KBTBD11: variants seen among roughly 807,000 people sequenced by gnomAD.
KBTBD11 encodes kelch repeat and BTB domain containing 11, also known as kelch repeat and BTB domain-containing protein 11.
For synonymous variants in KBTBD11, 747 were observed against 499.0 expected, an observed-to-expected ratio of 1.50 and a Z score of -6.63; for missense variants, 1,390 against 1,001.8, an observed-to-expected ratio of 1.39 and a Z score of -5.23.
At chr8:1,974,926 C>T (rs1361222023) in intron 1 of KBTBD11, 3 of 159,634 alleles carry the variant, frequency 1.9e-5, no homozygotes, top group Non-Finnish European at 4.0e-5. Flanking sequence ...CCAGCCATCC[C>T]CTCAGGCCCT....
At chr8:1,987,682 A>G (rs2129311657) in intron 1 of KBTBD11, among the ~76,000 whole-genome samples, 1 of 152,184 alleles carries the variant, frequency 6.6e-6, no homozygotes, top group East Asian at 1.9e-4. Flanking sequence ...CGCACCTGTC[A>G]CCACAGTAGA....
chr8:1,999,592 C>A (rs751386144), intron 1 of KBTBD11, among the ~76,000 whole-genome samples: 1 of 152,248 alleles, frequency 6.6e-6, no homozygotes, highest in Non-Finnish European at 1.5e-5. Flanking sequence ...CTTCCACATA[C>A]TTCATTCAGT....
intron 1 of KBTBD11, among the ~76,000 whole-genome samples, chr8:1,979,560 C>T (rs1388820486): frequency 3.3e-5 from 5 of 152,280 alleles, no homozygotes; most frequent in East Asian, 1.9e-4. Flanking sequence ...ACCCAGGGGG[C>T]GGAGGTTGCA....
At chr8:1,987,725 TTTA>T (rs10628962) in intron 1 of KBTBD11, among the ~76,000 whole-genome samples, 28 of 149,226 alleles carry the variant, frequency 1.9e-4, no homozygotes, top group South Asian at 4.3e-4. Context: ...TTTTGGAGCC[TTTA>T]TTATTATTAT....
At chr8:1,976,705 C>G (rs74550305) in intron 1 of KBTBD11, among the ~76,000 whole-genome samples, 2 of 152,072 alleles carry the variant, frequency 1.3e-5, no homozygotes, top group Admixed American at 6.6e-5. Context: ...TACGTTAATT[C>G]TTAGGTAATA....
chr8:1,979,292 C>A lies in KBTBD11; in HGVS notation c.-909+5357C>A, dbSNP rs144797671. Among the ~76,000 whole-genome samples, 516 of 152,290 alleles carry A rather than the reference C, an allele frequency of 3.4e-3. 5 individuals carry two copies. The highest frequency in any genetic ancestry group is 0.012 in the African/African-American group (487 of 41,560). On this transcript the variant is annotated intron_variant, in intron 1 of 1. Transcript: ENST00000320248. The stretch of plus-strand genomic sequence containing the variant: ...CACCCATATTGTGAATAGAAACATG[C>A]TTTACTCAAAATCTTCCCATGTAAA...
Position 2,002,420 on chromosome 8 carries a change from C to T in KBTBD11, c.1228C>T (p.Leu410=). The T allele has an allele frequency of 6.7e-7, 1 of 1,493,128 alleles. No individual in the cohort carries two copies. Among genetic ancestry groups the T allele is most frequent in the Non-Finnish European group, 8.9e-7 (1 of 1,128,408 alleles). The allele number at this position is 1,493,128 out of a possible 1,614,324, so 92.5% of individuals were successfully genotyped here. ...GCGCTCGCAGCTGCGGCTGCTGGCC[C>T]TGGACGGTCACCTCTACGCCGTGGG... ...QARSQLRLLA[L]DGHLYAVGGE... Residue 410 remains leucine (L), a synonymous_variant, in exon 2 of 2, where the codon CTG becomes TTG. Transcript: ENST00000320248. The surrounding 1 kb of genome is among the most constrained non-coding windows in gnomAD (Gnocchi z 4.1).
chr8:1,989,021 A>C (rs1033882161), intron 1 of KBTBD11, among the ~76,000 whole-genome samples: 2 of 152,156 alleles, frequency 1.3e-5, no homozygotes, highest in Admixed American at 1.3e-4. Flanking sequence ...AAACAGATTT[A>C]TTTTAAAAGA....
rs1817332577 is a variant in KBTBD11, at chr8:2,001,217, G to A, written c.25G>A (p.Val9Ile). MEHAVAPC[V>I]LYPGTEPGAA... ...CATGGAGCACGCGGTGGCCCCCTGC[G>A]TCCTCTACCCAGGGACTGAGCCCGG... Residue 9 changes from valine to isoleucine, a missense_variant, in exon 2 of 2, where the codon GTC (valine) becomes ATC (isoleucine). Val to Ile is a conservative substitution (Grantham distance 29). Coordinates refer to ENST00000320248, the MANE Select transcript of KBTBD11 (RefSeq NM_014867.3). 2 of 1,416,552 alleles carry A rather than the reference G, an allele frequency of 1.4e-6. No homozygotes were observed. Among genetic ancestry groups the A allele is most frequent in the Non-Finnish European group, 1.8e-6 (2 of 1,083,420 alleles). The allele number at this position is 1,416,552 out of a possible 1,614,324, so 87.7% of individuals were successfully genotyped here.
At chr8:1,996,236 G>A (rs1817132386) in intron 1 of KBTBD11, among the ~76,000 whole-genome samples, 2 of 152,198 alleles carry the variant, frequency 1.3e-5, no homozygotes, top group African/African-American at 4.8e-5. Flanking sequence ...ACAGGGTGTG[G>A]TGGGATATAG....
At chr8:1,994,624 G>A (rs931907345) in intron 1 of KBTBD11, among the ~76,000 whole-genome samples, 6 of 152,228 alleles carry the variant, frequency 3.9e-5, no homozygotes, top group African/African-American at 1.2e-4. Flanking sequence ...TCCTGCGGGT[G>A]CCACGTGTTA....
intron 1 of KBTBD11, among the ~76,000 whole-genome samples, chr8:1,981,716 G>A (rs1816546744): frequency 6.6e-6 from 1 of 152,200 alleles, no homozygotes; most frequent in African/African-American, 2.4e-5. Flanking sequence ...CCCCTGTCCT[G>A]GAGCTGGGAC....
chr8:2,001,440 C>G lies in KBTBD11; in HGVS notation c.248C>G (p.Ala83Gly), dbSNP rs1817349188. The change falls in exon 2 of 2, where the codon GCG becomes GGG. Residue 83 changes from alanine to glycine, a missense_variant. Transcript: ENST00000320248. ...VVERQWEAGS[A>G]GAASPEELAS... ...GAGCGGCAGTGGGAGGCCGGCAGCG[C>G]GGGCGCCGCGTCCCCGGAGGAGCTC... is the stretch of plus-strand genomic sequence containing the variant. 7.4e-7 allele frequency: 1 copy of G among 1,352,690 alleles called. No homozygotes were observed. The highest frequency in any genetic ancestry group is 1.8e-5 in the South Asian group (1 of 54,474). The allele number at this position is 1,352,690 out of a possible 1,614,324, so 83.8% of individuals were successfully genotyped here. A position where few individuals can be genotyped will look rare whatever the true frequency, so the allele number is the denominator to read the frequency against.
At chr8:1,977,526 A>G (rs1816389384) in intron 1 of KBTBD11, among the ~76,000 whole-genome samples, 1 of 151,834 alleles carries the variant, frequency 6.6e-6, no homozygotes, top group Admixed American at 6.6e-5. Context: ...GATTTTTATT[A>G]TTATTATTAT....
chr8:1,985,660 C>T (rs1816686947), intron 1 of KBTBD11, among the ~76,000 whole-genome samples: 2 of 152,236 alleles, frequency 1.3e-5, no homozygotes, highest in Admixed American at 1.3e-4. Context: ...GAGAAAAACA[C>T]GAAATAAAAA....
At chr8:1,986,936 G>A (rs1816722666) in intron 1 of KBTBD11, among the ~76,000 whole-genome samples, 1 of 149,088 alleles carries the variant, frequency 6.7e-6, no homozygotes, top group Non-Finnish European at 1.5e-5. Flanking sequence ...TCTTCAGGAG[G>A]CTGATGCAGG....
chr8:1,974,776 C>T, intron 1 of KBTBD11: 5 of 861,002 alleles, frequency 5.8e-6, no homozygotes, highest in Non-Finnish European at 7.0e-6. Context: ...GTCCCTCCAC[C>T]TCTTTAGAGT....
intron 1 of KBTBD11, among the ~76,000 whole-genome samples, chr8:1,978,894 C>T (rs995714495): frequency 1.3e-5 from 2 of 152,186 alleles, no homozygotes; most frequent in African/African-American, 4.8e-5. Flanking sequence ...TGTGAAAGTG[C>T]CTCCCTGGGT....
chr8:2,000,080 C>T (rs558448069), intron 1 of KBTBD11, among the ~76,000 whole-genome samples: 4 of 152,234 alleles, frequency 2.6e-5, no homozygotes, highest in Admixed American at 6.5e-5. Flanking sequence ...AGAGGAATAT[C>T]GAGAGGGTAC....
Sources: gnomAD v4.1 joint callset for allele counts (sites outside exome capture counted in the v4.1 genomes callset) on GRCh38, gnomAD v4.1.1 for gene constraint, Gnocchi (gnomAD v3.1) non-coding constraint, MANE v1.5 for transcripts, NCBI Gene and HGNC (gene_info 2026-07-23, HGNC 2026-07-21) for gene names.